The following SUGP2 variants were observed in gnomAD, a reference collection of about 807,000 sequenced individuals.
The protein encoded by SUGP2 is SURP and G-patch domain containing 2, also known as SURP and G-patch domain-containing protein 2.
A neutral mutation model predicts 90.5 loss-of-function variants in SUGP2; 24 were observed. The observed-to-expected ratio is 0.27, with a 90% CI of 0.19 to 0.37. SUGP2 has a LOEUF of 0.37. Ranked by LOEUF, SUGP2 falls within the 10% of genes least tolerant of loss-of-function variation. The pLI is 1.00. For missense variants in SUGP2, 1,233 were observed against 1,363.3 expected (o/e 0.90, Z 1.51); for synonymous variants, 473 against 513.4 (o/e 0.92, Z 1.06).
At chr19:19,032,156 C>CTTTTTTTTTTT (rs71168792) in intron 1 of SUGP2, among the ~76,000 whole-genome samples, 3 of 143,678 alleles carry the variant, frequency 2.1e-5, no homozygotes, top group Non-Finnish European at 3.0e-5. Context: ...AGAGATCAAT[C>CTTTTTTTTTTT]TTTTTTTTTT....
intron 4 of SUGP2, among the ~76,000 whole-genome samples, chr19:19,012,868 A>ATT (rs749964263): frequency 6.8e-6 from 1 of 146,808 alleles, no homozygotes; most frequent in Non-Finnish European, 1.5e-5. Flanking sequence ...GACTTAAATG[A>ATT]TTTTTTTTTT....
At chr19:19,000,710 CT>C (rs149299644) in intron 8 of SUGP2, among the ~76,000 whole-genome samples, 18,821 of 143,740 alleles carry the variant, frequency 0.13, 1,365 homozygotes, top group Middle Eastern at 0.21. Context: ...ATAACTTGAA[CT>C]TTTTTTTTTT....
intron 8 of SUGP2, 98 bp from the exon 9 acceptor site, chr19:18,995,378 CCCT>C: frequency 3.7e-6 from 5 of 1,351,534 alleles, no homozygotes; most frequent in Non-Finnish European, 4.9e-6. Flanking sequence ...CCCCCAAATG[CCCT>C]CCTGACTCCC....
At chr19:19,003,036 C>T (rs188236893) in intron 7 of SUGP2, among the ~76,000 whole-genome samples, 5 of 152,240 alleles carry the variant, frequency 3.3e-5, no homozygotes, top group East Asian at 1.9e-4. Context: ...CTCAAGCTCC[C>T]GGGCTCAAGC....
chr19:19,022,276 G>A lies in SUGP2; in HGVS notation c.1729+2343C>T, dbSNP rs745852389. On this transcript the variant is annotated intron_variant, in intron 3 of 10. Transcript: ENST00000452918. ...TGGGATTACAGGCATGAGCCACTGCGCCTGGCCCATTATAGCATTTCTAAC... is the reference window on the plus strand; with the variant it reads ...TGGGATTACAGGCATGAGCCACTGCACCTGGCCCATTATAGCATTTCTAAC... Among the ~76,000 whole-genome samples the A allele has an allele frequency of 4.6e-5, 7 of 152,194 alleles. No homozygotes were observed. In the South Asian group the frequency reaches 1.0e-3, roughly 22 times the overall value.
chr19:19,019,296 T>C (rs1051404356), intron 3 of SUGP2, 67 bp from the exon 4 acceptor site: 6 of 1,549,142 alleles, frequency 3.9e-6, no homozygotes, highest in Non-Finnish European at 5.3e-6. Context: ...ACGAGGATAG[T>C]TGAGTAGTTG....
At position 19,026,210 on chromosome 19, in the gene SUGP2, G is replaced by A. The variant is rs1446674910; in HGVS notation, c.138C>T (p.Val46=). Reference sequence around the variant, plus strand: ...CATACATCTCTGCTCTGGATCTTGGGACTGCCCTTAAGAGATCTGAAATAA... The same window carrying A: ...CATACATCTCTGCTCTGGATCTTGGAACTGCCCTTAAGAGATCTGAAATAA... ...QFKAQDLLRA[V]PRSRAEMYDD... is the part of the protein sequence containing the mutation. Residue 46 remains valine, a synonymous_variant, in exon 3 of 11, where the codon GTC becomes GTT. Transcript: ENST00000452918. 8 of 1,595,892 alleles carry A rather than the reference G, an allele frequency of 5.0e-6. No individual in the cohort carries two copies. The highest frequency in any genetic ancestry group is 6.8e-6 in the Non-Finnish European group (8 of 1,171,978).
intron 9 of SUGP2, 45 bp downstream of exon 9, chr19:18,995,099 G>C: frequency 6.3e-7 from 1 of 1,598,104 alleles, no homozygotes; most frequent in Non-Finnish European, 8.5e-7. Context: ...CAGGTGGAAG[G>C]ACTGAGGCCC....
upstream of SUGP2, chr19:19,033,575 G>C (rs927571216): frequency 8.3e-7 from 1 of 1,210,080 alleles, no homozygotes; most frequent in Non-Finnish European, 1.0e-6. Context: ...AGCCGCCGCC[G>C]AGTCCTGGTG....
In SUGP2 at chr19:19,024,956, G is replaced by A. The variant is rs2058866396; in HGVS notation, c.1392C>T (p.Asp464=). 1.2e-6 allele frequency: 2 copies of A among 1,614,212 alleles called. No homozygotes were observed. The highest frequency in any genetic ancestry group is 1.6e-4 in the Middle Eastern group (1 of 6,062). The part of the protein sequence containing the change: ...VKMKTLSNPL[D]LALALETTNS... ...TGGTGGTTTCTAGGGCAAGAGCCAAGTCCAGGGGGTTACTGAGGGTCTTCA... is the reference window on the plus strand; with the variant it reads ...TGGTGGTTTCTAGGGCAAGAGCCAAATCCAGGGGGTTACTGAGGGTCTTCA... Residue 464 remains aspartate, a synonymous_variant, in exon 3 of 11, where the codon GAC becomes GAT. Transcript: ENST00000452918.
At position 19,009,779 on chromosome 19, in the gene SUGP2, C is replaced by G. The variant is rs1412493099; in HGVS notation, c.2338+76G>C. 6 of 1,508,260 alleles carry G rather than the reference C, an allele frequency of 4.0e-6. No individual in the cohort carries two copies. The South Asian group carries it at 4.0e-5, about 10-fold the overall frequency. The allele number at this position is 1,508,260 out of a possible 1,614,324, so 93.4% of individuals were successfully genotyped here. On this transcript the variant is annotated intron_variant, in intron 5 of 10. Coordinates refer to ENST00000452918, the MANE Select transcript of SUGP2 (RefSeq NM_001017392.5). ...TGCCTTGCCTAGATTGCAGGCCCCCCCAATTCTAAAGAGACCCTGGAGATG... is the reference window on the plus strand; with the variant it reads ...TGCCTTGCCTAGATTGCAGGCCCCCGCAATTCTAAAGAGACCCTGGAGATG...
intron 3 of SUGP2, among the ~76,000 whole-genome samples, chr19:19,022,343 C>T (rs529267677): frequency 3.3e-5 from 5 of 152,158 alleles, no homozygotes; most frequent in Non-Finnish European, 7.3e-5. Flanking sequence ...GAGATGTGGG[C>T]CCTGCTGCCA....
Position 19,033,433 on chromosome 19 carries a change from T to C in SUGP2, c.-12+4A>G. ...CACCGACGACGCCAGGGCCCGGGCCTCACCCCGAGACCACCGCGCGCGGAG... is the reference window on the plus strand; with the variant it reads ...CACCGACGACGCCAGGGCCCGGGCCCCACCCCGAGACCACCGCGCGCGGAG... On this transcript the variant is annotated splice_donor_region_variant and intron_variant, in intron 1 of 10. Transcript: ENST00000452918. The C allele has an allele frequency of 2.2e-6, 3 of 1,374,552 alleles. No homozygotes were observed. The highest frequency in any genetic ancestry group is 3.6e-5 in the East Asian group (1 of 27,600). The allele number at this position is 1,374,552 out of a possible 1,614,324, so 85.1% of individuals were successfully genotyped here.
At position 19,033,505 on chromosome 19, in the gene SUGP2, G is replaced by C; in HGVS notation, c.-80C>G. The C allele has an allele frequency of 3.6e-6, 5 of 1,404,798 alleles. No individual in the cohort carries two copies. The highest frequency in any genetic ancestry group is 4.6e-6 in the Non-Finnish European group (5 of 1,078,516). 87.0% of individuals were successfully genotyped at this position (1,404,798 alleles called of 1,614,324 possible). Reference sequence around the variant, plus strand: ...GCTCCTCACCCGCCGCCGCCGCCGCGCGAGGCGGGGACATGCAAATGAACC... The same window carrying C: ...GCTCCTCACCCGCCGCCGCCGCCGCCCGAGGCGGGGACATGCAAATGAACC... On this transcript the variant is annotated 5_prime_UTR_variant, in exon 1 of 11. Transcript: ENST00000452918.
At chr19:19,031,214 C>A in intron 1 of SUGP2, 132 bp from the exon 2 acceptor site, 1 of 894,488 alleles carries the variant, frequency 1.1e-6, no homozygotes, top group South Asian at 1.7e-5. Flanking sequence ...TCGAGACCAG[C>A]CTAGGCAACA....
Position 19,030,953 on chromosome 19 carries a change from T to C in SUGP2, c.119A>G (p.Gln40Arg). 3 of 1,609,490 alleles carry C rather than the reference T, an allele frequency of 1.9e-6. No individual in the cohort carries two copies. The highest frequency in any genetic ancestry group is 2.5e-6 in the Non-Finnish European group (3 of 1,178,810). Residue 40 changes from glutamine to arginine, a missense_variant and splice_region_variant, in exon 2 of 11, where the codon CAA becomes CGA. Transcript: ENST00000452918. Reference protein sequence around the residue: ...AVSETLQFKAQDLLRAVPRSR... With the variant: ...AVSETLQFKARDLLRAVPRSR... ...ACAACAACAACACTTTATTTTACCT[T>C]GAGCTTTAAACTGAAGAGTTTCGCT...
At chr19:19,005,051 G>A (rs773380756) in intron 6 of SUGP2, among the ~76,000 whole-genome samples, 69 of 152,150 alleles carry the variant, frequency 4.5e-4, no homozygotes, top group Non-Finnish European at 8.1e-4. Flanking sequence ...GCGATGCCAG[G>A]AGGAGCTGCA....
intron 4 of SUGP2, among the ~76,000 whole-genome samples, chr19:19,014,520 A>G (rs1432351847): frequency 6.6e-6 from 1 of 152,158 alleles, no homozygotes; most frequent in Non-Finnish European, 1.5e-5. Context: ...AGAATTTATT[A>G]AGGCTGGACA....
chr19:19,033,484 C>T lies in SUGP2; in HGVS notation c.-59G>A. ...CCACCCCCGCCGCCGCCTCAGGCTC[C>T]TCACCCGCCGCCGCCGCCGCGCGAG... On this transcript the variant is annotated 5_prime_UTR_variant, in exon 1 of 11. Coordinates refer to ENST00000452918, the MANE Select transcript of SUGP2 (RefSeq NM_001017392.5). 5 of 1,410,822 alleles carry T rather than the reference C, an allele frequency of 3.5e-6. No individual in the cohort carries two copies. The highest frequency in any genetic ancestry group is 4.6e-6 in the Non-Finnish European group (5 of 1,081,492). The allele number at this position is 1,410,822 out of a possible 1,614,324, so 87.4% of individuals were successfully genotyped here.
Sources: gnomAD v4.1 joint callset for allele counts (sites outside exome capture counted in the v4.1 genomes callset) on GRCh38, gnomAD v4.1.1 for gene constraint, MANE v1.5 for transcripts, NCBI Gene and HGNC (gene_info 2026-07-23, HGNC 2026-07-21) for gene names.